The following NUP214 variants were observed in gnomAD, a reference collection of about 807,000 sequenced individuals.
NUP214 encodes the protein nucleoporin 214, also known as nuclear pore complex protein Nup214.
Under a neutral mutation model 196.2 loss-of-function variants are expected in NUP214, and 79 were observed. The observed-to-expected ratio is 0.40, with a 90% CI of 0.34 to 0.49. NUP214 has a LOEUF of 0.49. Ranked by LOEUF, NUP214 falls within the 20% of genes least tolerant of loss-of-function variation. The pLI is 0.58. For missense variants in NUP214, 2,468 were observed against 2,539.0 expected (o/e 0.97, Z 0.60); for synonymous variants, 1,020 against 990.5 (o/e 1.03, Z -0.56).
At chr9:131,154,216 A>T (rs1450991011) in intron 17 of NUP214, among the ~76,000 whole-genome samples, 2 of 151,708 alleles carry the variant, frequency 1.3e-5, no homozygotes, top group African/African-American at 2.4e-5. Flanking sequence ...CCACAAAATA[A>T]TTTTTTTTTA....
rs761383227 is a variant in NUP214 at position 131,175,536 on chromosome 9, T to C, written c.3234T>C (p.Gly1078=). 2 of 1,614,226 alleles carry C rather than the reference T, an allele frequency of 1.2e-6. No individual in the cohort carries two copies. Among genetic ancestry groups the C allele is most frequent in the Admixed American group, 3.3e-5 (2 of 60,024 alleles). Residue 1078 remains glycine, a synonymous_variant, in exon 23 of 36, where the codon GGT becomes GGC. Coordinates refer to ENST00000359428, the MANE Select transcript of NUP214 (RefSeq NM_005085.4). ...TMLATKTVKH[G]APSPSHPISA... ...TTGCCACGAAAACCGTGAAACATGGTGCACCTAGTCCTTCCCACCCCATCT... is the reference window on the plus strand; with the variant it reads ...TTGCCACGAAAACCGTGAAACATGGCGCACCTAGTCCTTCCCACCCCATCT...
chr9:131,127,594 C>T lies in NUP214; in HGVS notation c.116C>T (p.Ser39Leu), dbSNP rs202144029. 1.2e-6 allele frequency: 2 copies of T among 1,614,036 alleles called. No homozygotes were observed. Among genetic ancestry groups the T allele is most frequent in the Non-Finnish European group, 1.7e-6 (2 of 1,179,954 alleles). ...CCTGAGGAATTGCCCAAGGAACGCT[C>T]GAGTCTGCTTGCTGTGTCCAACAAA... Reference protein sequence around the residue: ...DSPEELPKERSSLLAVSNKYG... With the variant: ...DSPEELPKERLSLLAVSNKYG... The change falls in exon 2 of 36, where the codon TCG becomes TTG. Residue 39 changes from serine to leucine, a missense_variant. Transcript: ENST00000359428.
Position 131,197,474 on chromosome 9 carries a change from C to T in NUP214, c.3980C>T (p.Ala1327Val), listed in dbSNP as rs765027348. ...LGELLFPSSLAGETLGSFSGL... is the reference protein window; with the variant it reads ...LGELLFPSSLVGETLGSFSGL... ...GAGCTTCTGTTTCCAAGTTCTTTGG[C>T]TGGAGAGACTCTGGGAAGTTTTTCA... Residue 1327 changes from alanine to valine, a missense_variant, in exon 29 of 36, where the codon GCT becomes GTT. Transcript: ENST00000359428. 1 of 1,614,088 alleles carries T rather than the reference C, an allele frequency of 6.2e-7. No homozygotes were observed. Among genetic ancestry groups the T allele is most frequent in the African/African-American group, 1.3e-5 (1 of 74,932 alleles).
At chr9:131,206,326 T>C (rs1394613436) in intron 30 of NUP214, among the ~76,000 whole-genome samples, 1 of 151,530 alleles carries the variant, frequency 6.6e-6, no homozygotes, top group East Asian at 1.9e-4. Context: ...TTGTATTTTT[T>C]TGTAGAGACG....
At chr9:131,186,937 G>T (rs559334428) in intron 24 of NUP214, among the ~76,000 whole-genome samples, 6 of 152,278 alleles carry the variant, frequency 3.9e-5, no homozygotes, top group Middle Eastern at 3.4e-3. Flanking sequence ...TTGGGTAAGA[G>T]AATCAGGAAT....
chr9:131,163,334 C>A, intron 19 of NUP214, 161 bp downstream of exon 19: 1 of 649,206 alleles, frequency 1.5e-6, no homozygotes, highest in Non-Finnish European at 2.5e-6. Context: ...GTTTCTTTGC[C>A]TAAAAAATGA....
At chr9:131,153,249 G>A (rs968116496) in intron 17 of NUP214, 2 of 151,884 alleles carry the variant, frequency 1.3e-5, no homozygotes, top group Non-Finnish European at 2.9e-5. Flanking sequence ...GACATCTGTG[G>A]GGTTTGCAGG....
chr9:131,140,425 C>T, intron 10 of NUP214, 124 bp from the exon 11 acceptor site: 1 of 744,396 alleles, frequency 1.3e-6, no homozygotes, highest in Non-Finnish European at 2.2e-6. Flanking sequence ...TCAGAACAAA[C>T]TAACTTGAGC....
chr9:131,230,889 C>T (rs968691814), intron 34 of NUP214, 120 bp downstream of exon 34: 12 of 1,183,480 alleles, frequency 1.0e-5, no homozygotes, highest in Admixed American at 4.6e-5. Flanking sequence ...TGACTGGGCA[C>T]GTGGTTCACG....
At position 131,131,271 on chromosome 9, in the gene NUP214, A is replaced by G. The variant is rs184841734; in HGVS notation, c.663+435A>G. Among the ~76,000 whole-genome samples the G allele has an allele frequency of 5.4e-4, 83 of 152,374 alleles. 1 individual carries two copies. The East Asian group carries it at 0.01, about 18-fold the overall frequency. ...GTCTTTTAACTGAGTCTGTCTTTAA[A>G]GGTCTGTTTGTCTAACTATGGGCAC... On this transcript the variant is annotated intron_variant, in intron 5 of 35. Transcript: ENST00000359428.
chr9:131,193,627 T>C (rs910821366), intron 27 of NUP214, among the ~76,000 whole-genome samples: 1 of 129,086 alleles, frequency 7.7e-6, no homozygotes, highest in Non-Finnish European at 1.6e-5. Flanking sequence ...CTTCTTCCTT[T>C]TCTTTTTTTT....
At chr9:131,172,765 G>A (rs541498527) in intron 21 of NUP214, among the ~76,000 whole-genome samples, 83 of 152,284 alleles carry the variant, frequency 5.5e-4, no homozygotes, top group African/African-American at 1.9e-3. Flanking sequence ...TTGGTTTTTA[G>A]TGGCATTTGT....
At position 131,128,605 on chromosome 9, in the gene NUP214, G is replaced by T. The variant is rs560065076; in HGVS notation, c.393+122G>T. The T allele has an allele frequency of 8.8e-6, 7 of 794,116 alleles. No homozygotes were observed. The Admixed American group carries it at 2.2e-4, about 25-fold the overall frequency. 49.2% of individuals were successfully genotyped at this position (794,116 alleles called of 1,614,324 possible). ...AGTTTCTCTCTAGATTAAAATATGG[G>T]TTAAAAAAAAATCCTTAATTATAGA... On this transcript the variant is annotated intron_variant, in intron 3 of 35. Coordinates refer to ENST00000359428, the MANE Select transcript of NUP214 (RefSeq NM_005085.4).
In NUP214 at chr9:131,146,146, C is replaced by T. The variant is rs1363710872; in HGVS notation, c.1787C>T (p.Thr596Ile). 8 of 1,614,154 alleles carry T rather than the reference C, an allele frequency of 5.0e-6. No homozygotes were observed. The highest frequency in any genetic ancestry group is 6.8e-6 in the Non-Finnish European group (8 of 1,180,022). ...NLSEKFTAAA[T>I]STPVSSSQSA... ...TTTTTCAGGTTTACTGCTGCAGCTACCTCTACTCCTGTTAGTAGCTCCCAG... is the reference window on the plus strand; with the variant it reads ...TTTTTCAGGTTTACTGCTGCAGCTATCTCTACTCCTGTTAGTAGCTCCCAG... The change falls in exon 13 of 36, where the codon ACC (threonine) becomes ATC (isoleucine). Residue 596 changes from threonine (T) to isoleucine (I), a missense_variant. Thr to Ile is a moderately conservative substitution (Grantham distance 89). This residue lies in a region of NUP214 where 1,801 missense variants were observed against 1,779.4 expected (regional missense o/e 1.01). Coordinates refer to ENST00000359428, the MANE Select transcript of NUP214 (RefSeq NM_005085.4). This position sits in a 1 kb window ranked among gnomAD's most constrained non-coding sequence, Gnocchi z 4.6.
chr9:131,161,652 G>A (rs1254266782), intron 18 of NUP214, among the ~76,000 whole-genome samples: 1 of 152,176 alleles, frequency 6.6e-6, no homozygotes, highest in Admixed American at 6.5e-5. Flanking sequence ...GGGAAAAAGG[G>A]AAATAAATCC....
intron 5 of NUP214, among the ~76,000 whole-genome samples, chr9:131,132,029 C>T (rs902487688): frequency 2.6e-5 from 4 of 151,842 alleles, no homozygotes; most frequent in Admixed American, 1.3e-4. Flanking sequence ...GTGCTAGTGG[C>T]GTTGCTGCTG....
chr9:131,139,385 A>T lies in NUP214; in HGVS notation c.1110A>T (p.Thr370=). 1 of 1,607,246 alleles carries T rather than the reference A, an allele frequency of 6.2e-7. No individual in the cohort carries two copies. The highest frequency in any genetic ancestry group is 2.3e-5 in the East Asian group (1 of 44,434). The part of the protein sequence containing the change: ...SLPMGVVVDY[T]NQVEITISDE... ...CCATGGGAGTTGTCGTAGACTATAC[A>T]AACCAAGTGGAAATCACCATCAGTA... The change falls in exon 10 of 36, where the codon ACA becomes ACT. Residue 370 remains threonine (T), a synonymous_variant. Transcript: ENST00000359428.
At chr9:131,213,988 G>A (rs186945670) in intron 30 of NUP214, among the ~76,000 whole-genome samples, 285 of 152,256 alleles carry the variant, frequency 1.9e-3, no homozygotes, top group Non-Finnish European at 3.0e-3. Context: ...GTAGACAGGA[G>A]TGAAATGATG....
intron 24 of NUP214, 126 bp from the exon 25 acceptor site, chr9:131,187,163 G>A (rs1564200187): frequency 1.4e-6 from 1 of 709,012 alleles, no homozygotes; most frequent in Non-Finnish European, 2.4e-6. Flanking sequence ...GTTGTATTGG[G>A]GTCCCATGCA....
Sources: allele counts gnomAD v4.1 joint callset (sites outside exome capture counted in the v4.1 genomes callset), GRCh38; gene constraint gnomAD v4.1.1; regional missense constraint gnomAD v4.1.1; non-coding constraint Gnocchi (gnomAD v3.1); transcripts MANE v1.5; gene names NCBI Gene and HGNC (gene_info 2026-07-23, HGNC 2026-07-21).